Variants in TTC4 observed in about 807,000 individuals in gnomAD.
TTC4 encodes the protein hsp70/Hsp90 co-chaperone CNS1 homolog.
TTC4 carries 36 observed loss-of-function variants against 51.9 expected under a neutral mutation model. The observed-to-expected ratio is 0.69, with a 90% CI of 0.53 to 0.92. TTC4 has a LOEUF of 0.92. TTC4 is among the 40% of genes least tolerant of loss of function. TTC4 has a pLI of 0.00. For synonymous variants in TTC4, 144 were observed against 164.2 expected (o/e 0.88, Z 0.94); for missense variants, 399 against 454.6 (o/e 0.88, Z 1.11).
chr1:54,735,322 G>C (rs536282486), intron 8 of TTC4, among the ~76,000 whole-genome samples: 1 of 152,008 alleles, frequency 6.6e-6, no homozygotes, highest in African/African-American at 2.4e-5. Context: ...AGGTCCAAGC[G>C]ATTCTCCTGC....
intron 6 of TTC4, among the ~76,000 whole-genome samples, chr1:54,731,076 G>T (rs930990294): frequency 3.3e-5 from 5 of 152,194 alleles, no homozygotes; most frequent in African/African-American, 1.2e-4. Flanking sequence ...GCCATGTCTA[G>T]TTCTCTGTGA....
rs545560080 is a variant in TTC4, at chr1:54,723,796, A to G, written c.594+997A>G. Among the ~76,000 whole-genome samples the G allele has an allele frequency of 4.6e-5, 7 of 152,316 alleles. 1 individual carries two copies. The South Asian group carries it at 1.4e-3, about 32-fold the overall frequency. ...TAGTGCTATTTAAATGTTGGATATT[A>G]TTTTGGGTAGTGATGGTATTCTGTT... On this transcript the variant is annotated intron_variant, in intron 5 of 9. Coordinates refer to ENST00000371281, the MANE Select transcript of TTC4 (RefSeq NM_004623.5).
At chr1:54,720,333 G>A (rs574079258) in intron 3 of TTC4, among the ~76,000 whole-genome samples, 3 of 151,946 alleles carry the variant, frequency 2.0e-5, no homozygotes, top group South Asian at 2.1e-4. Flanking sequence ...TAGAGATTTA[G>A]GTAAATACTA....
chr1:54,741,032 T>A (rs190523875), intron 9 of TTC4, among the ~76,000 whole-genome samples: 10 of 152,264 alleles, frequency 6.6e-5, no homozygotes, highest in African/African-American at 2.2e-4. Flanking sequence ...CTCATCTCCC[T>A]CCCCTCCAGG....
chr1:54,727,744 G>T (rs1645818761), intron 5 of TTC4, among the ~76,000 whole-genome samples: 1 of 150,130 alleles, frequency 6.7e-6, no homozygotes, highest in Non-Finnish European at 1.5e-5. Context: ...GACAATATTG[G>T]TAAGTCATAA....
At chr1:54,716,823 C>G (rs1373735122) in intron 2 of TTC4, 106 bp downstream of exon 2, 2 of 876,990 alleles carry the variant, frequency 2.3e-6, no homozygotes, top group Non-Finnish European at 3.5e-6. Context: ...CCTGAGCTAA[C>G]TTGTCATTAT....
At chr1:54,733,311 G>A (rs931539576) in intron 7 of TTC4, among the ~76,000 whole-genome samples, 1 of 151,762 alleles carries the variant, frequency 6.6e-6, no homozygotes, top group Non-Finnish European at 1.5e-5. Flanking sequence ...TCTCAGCTAT[G>A]CAGGAGGCTA....
chr1:54,735,439 T>A (rs183356583), intron 8 of TTC4, among the ~76,000 whole-genome samples: 2 of 152,206 alleles, frequency 1.3e-5, no homozygotes, highest in African/African-American at 4.8e-5. Flanking sequence ...CAGGCTGGTC[T>A]CAAACTCCTG....
chr1:54,729,152 G>T (rs1176251888), intron 6 of TTC4, among the ~76,000 whole-genome samples: 2 of 152,160 alleles, frequency 1.3e-5, no homozygotes, highest in African/African-American at 2.4e-5. Flanking sequence ...TAACTCACAG[G>T]TGGGTATCAT....
intron 5 of TTC4, among the ~76,000 whole-genome samples, chr1:54,726,589 T>C (rs1305387853): frequency 1.3e-5 from 2 of 152,122 alleles, no homozygotes; most frequent in African/African-American, 4.8e-5. Context: ...CCATTTTAAA[T>C]AGCATCAAAA....
Position 54,731,706 on chromosome 1 carries a change from G to T in TTC4, c.896+6G>T. The T allele has an allele frequency of 6.2e-7, 1 of 1,612,776 alleles. No homozygotes were observed. The highest frequency in any genetic ancestry group is 1.1e-5 in the South Asian group (1 of 90,914). On this transcript the variant is annotated splice_donor_region_variant and intron_variant, in intron 7 of 9. Coordinates refer to ENST00000371281, the MANE Select transcript of TTC4 (RefSeq NM_004623.5). Reference sequence around the variant, plus strand: ...GCTTTTCATGAGGACTCCAGGTACTGACTTGCCCAGGAGCCCTCTGCTTTT... The same window carrying T: ...GCTTTTCATGAGGACTCCAGGTACTTACTTGCCCAGGAGCCCTCTGCTTTT...
At chr1:54,738,316 A>G (rs1645971724) in intron 9 of TTC4, among the ~76,000 whole-genome samples, 1 of 152,188 alleles carries the variant, frequency 6.6e-6, no homozygotes, top group African/African-American at 2.4e-5. Flanking sequence ...TCCCTCCCAC[A>G]ACACATGGGA....
chr1:54,722,223 C>T (rs1319500044), intron 4 of TTC4, among the ~76,000 whole-genome samples: 1 of 151,788 alleles, frequency 6.6e-6, no homozygotes, highest in Non-Finnish European at 1.5e-5. Context: ...GGCCTTGCCA[C>T]TGCCTTGATG....
intron 3 of TTC4, among the ~76,000 whole-genome samples, chr1:54,720,480 G>T (rs1645730171): frequency 7.0e-6 from 1 of 142,298 alleles, no homozygotes; most frequent in East Asian, 2.1e-4. Flanking sequence ...ATACATGTGT[G>T]TCTAGATATT....
At chr1:54,733,761 T>TTTTTTTTTTTG (rs1645900496) in intron 8 of TTC4, 51 bp downstream of exon 8, 2 of 1,250,638 alleles carry the variant, frequency 1.6e-6, no homozygotes, top group African/African-American at 3.1e-5. Flanking sequence ...TTTTTTTTTT[T>TTTTTTTTTTTG]TTTTTTTTTT....
intron 8 of TTC4, among the ~76,000 whole-genome samples, chr1:54,736,401 G>A (rs1004018384): frequency 1.3e-5 from 2 of 151,576 alleles, no homozygotes; most frequent in African/African-American, 2.4e-5. Context: ...ACAGAGTCTA[G>A]CTGTGTTGCC....
chr1:54,729,881 C>T (rs908311532), intron 6 of TTC4, among the ~76,000 whole-genome samples: 1 of 152,060 alleles, frequency 6.6e-6, no homozygotes, highest in Non-Finnish European at 1.5e-5. Flanking sequence ...CCACCATGCC[C>T]AGCTAATTTT....
At chr1:54,735,671 G>T (rs183784572) in intron 8 of TTC4, among the ~76,000 whole-genome samples, 54 of 152,290 alleles carry the variant, frequency 3.5e-4, no homozygotes, top group African/African-American at 1.3e-3. Context: ...CTTCTCCACT[G>T]TACAGTTACT....
intron 6 of TTC4, 22 bp from the exon 7 acceptor site, chr1:54,731,464 T>G: frequency 6.2e-7 from 1 of 1,612,134 alleles, no homozygotes; most frequent in Non-Finnish European, 8.5e-7. Flanking sequence ...ATTATGTGTG[T>G]GTGTTTCTGT....
Sources: gnomAD v4.1 joint callset for allele counts (sites outside exome capture counted in the v4.1 genomes callset) on GRCh38, gnomAD v4.1.1 for gene constraint, MANE v1.5 for transcripts, NCBI Gene and HGNC (gene_info 2026-07-23, HGNC 2026-07-21) for gene names.